Variants in CASQ2 observed in about 807,000 individuals in gnomAD.
CASQ2 encodes calsequestrin 2.
A neutral mutation model predicts 46.5 loss-of-function variants in CASQ2; 49 were observed. The ratio of observed to expected loss-of-function variants is 1.05; its 90% CI spans 0.84 to 1.34. CASQ2 has a LOEUF of 1.34. Ranked by LOEUF, CASQ2 falls within the 40% of genes most tolerant of loss-of-function variation. The pLI is 0.00. For synonymous variants in CASQ2, 174 were observed against 168.5 expected (o/e 1.03, Z -0.25); for missense variants, 486 against 481.3 (o/e 1.01, Z -0.09).
Position 115,708,772 on chromosome 1 carries a change from C to T in CASQ2, c.839-3480G>A, listed in dbSNP as rs746903909. Among the ~76,000 whole-genome samples the T allele has an allele frequency of 2.0e-4, 30 of 152,320 alleles. No individual in the cohort carries two copies. In the Middle Eastern group the frequency reaches 0.014, roughly 69 times the overall value. On this transcript the variant is annotated intron_variant, in intron 8 of 10. Coordinates refer to ENST00000261448, the MANE Select transcript of CASQ2 (RefSeq NM_001232.4). ...CCATTCCTCTGCTCATTTACCACAT[C>T]GGTATTACGTTCAGTGATCTGGGCA...
At chr1:115,761,465 A>AGGAG (rs1648946003) in intron 1 of CASQ2, among the ~76,000 whole-genome samples, 2 of 11,422 alleles carry the variant, frequency 1.8e-4, no homozygotes, top group Non-Finnish European at 3.8e-4. Context: ...AAGAAGAAGG[A>AGGAG]GAAGAAGAAG....
chr1:115,759,884 G>A (rs1027354243), intron 1 of CASQ2, among the ~76,000 whole-genome samples: 6 of 152,176 alleles, frequency 3.9e-5, no homozygotes, highest in Non-Finnish European at 8.8e-5. Flanking sequence ...TCTTTCTGAA[G>A]GTCAACTCTG....
chr1:115,708,531 G>A (rs4535998), intron 8 of CASQ2, among the ~76,000 whole-genome samples: 58,963 of 151,984 alleles, frequency 0.39, 12,661 homozygotes, highest in African/African-American at 0.56. Context: ...GTGACTTAGA[G>A]CAAGTTATTT....
At chr1:115,768,184 A>G (rs1368281569) in intron 1 of CASQ2, 124 bp downstream of exon 1, 2 of 744,464 alleles carry the variant, frequency 2.7e-6, no homozygotes, top group East Asian at 2.6e-5. Flanking sequence ...ACGTGAGGCC[A>G]AAATAAAGCA....
intron 5 of CASQ2, among the ~76,000 whole-genome samples, chr1:115,730,573 T>C (rs1465367752): frequency 6.6e-6 from 1 of 152,172 alleles, no homozygotes; most frequent in Non-Finnish European, 1.5e-5. Flanking sequence ...TTTTAGAAAA[T>C]AGAACTCATA....
chr1:115,706,175 CGTGTGTGTAT>C (rs1557785375), intron 8 of CASQ2, among the ~76,000 whole-genome samples: 1 of 151,202 alleles, frequency 6.6e-6, no homozygotes, highest in African/African-American at 2.4e-5. Flanking sequence ...TGTGTGCGTG[CGTGTGTGTAT>C]GTGTGTGTGC....
chr1:115,761,497 G>GAGAAGGAGAAGA (rs1648956788), intron 1 of CASQ2, among the ~76,000 whole-genome samples: 1 of 18,940 alleles, frequency 5.3e-5, no homozygotes, highest in Non-Finnish European at 9.5e-5. Context: ...GGAGAAGAAG[G>GAGAAGGAGAAGA]AGAAGAAGAA....
At chr1:115,766,862 AGAT>A (rs1557809043) in intron 1 of CASQ2, among the ~76,000 whole-genome samples, 1 of 142,388 alleles carries the variant, frequency 7.0e-6, no homozygotes, top group African/African-American at 2.7e-5. Context: ...GGGGAGCTAG[AGAT>A]GATAGATAGA....
chr1:115,737,426 A>G (rs1261777278), intron 4 of CASQ2, among the ~76,000 whole-genome samples: 2 of 152,200 alleles, frequency 1.3e-5, no homozygotes, highest in Non-Finnish European at 2.9e-5. Context: ...CCACATTTGT[A>G]CTTCCTACGT....
At position 115,701,394 on chromosome 1, in the gene CASQ2, A is replaced by G. The variant is rs369982880; in HGVS notation, c.1047T>C (p.Asp349=). 5 of 1,613,774 alleles carry G rather than the reference A, an allele frequency of 3.1e-6. No homozygotes were observed. The highest frequency in any genetic ancestry group is 2.7e-5 in the African/African-American group (2 of 74,890). ...GCTCCTCAGCAGTTGGAAGATCGTC[A>G]TCATCTGGAATCTCCATCCAGACAC... The part of the protein sequence containing the change: ...ADSVWMEIPD[D]DDLPTAEELE... The change falls in exon 11 of 11, where the codon GAT becomes GAC. Residue 349 remains aspartate (D), a synonymous_variant. Transcript: ENST00000261448.
chr1:115,743,733 C>T (rs1648278396), intron 2 of CASQ2, among the ~76,000 whole-genome samples: 1 of 147,280 alleles, frequency 6.8e-6, no homozygotes, highest in South Asian at 2.2e-4. Context: ...ATCCAATTAA[C>T]CTTTCTTCAA....
At chr1:115,741,683 G>T (rs574699419) in intron 2 of CASQ2, among the ~76,000 whole-genome samples, 43 of 152,298 alleles carry the variant, frequency 2.8e-4, no homozygotes, top group Admixed American at 4.6e-4. Context: ...GGTAGATGCT[G>T]CAAGGACAGG....
intron 4 of CASQ2, among the ~76,000 whole-genome samples, chr1:115,736,013 A>G (rs1647942758): frequency 6.6e-6 from 1 of 151,788 alleles, no homozygotes; most frequent in Non-Finnish European, 1.5e-5. Flanking sequence ...AATACAAAAA[A>G]TTAGCCAGGC....
chr1:115,729,411 G>A (rs1331477509), intron 5 of CASQ2, among the ~76,000 whole-genome samples: 1 of 152,084 alleles, frequency 6.6e-6, no homozygotes, highest in Non-Finnish European at 1.5e-5. Flanking sequence ...GATTTGATTG[G>A]TTGAAGCTTT....
chr1:115,730,430 G>T (rs1392154341), intron 5 of CASQ2, among the ~76,000 whole-genome samples: 1 of 152,174 alleles, frequency 6.6e-6, no homozygotes, highest in Non-Finnish European at 1.5e-5. Context: ...AATCTGCTTT[G>T]CTCAATGTTG....
intron 4 of CASQ2, among the ~76,000 whole-genome samples, chr1:115,735,886 A>G (rs1185241181): frequency 6.6e-6 from 1 of 152,168 alleles, no homozygotes; most frequent in African/African-American, 2.4e-5. Context: ...AGCAGGCCGG[A>G]CGTAGTGGCT....
intron 3 of CASQ2, among the ~76,000 whole-genome samples, chr1:115,739,718 T>A (rs1156576893): frequency 2.0e-5 from 3 of 152,250 alleles, no homozygotes; most frequent in Admixed American, 6.5e-5. Context: ...CACAGTTATC[T>A]GTGATTTACA....
intron 1 of CASQ2, 50 bp from the exon 2 acceptor site, chr1:115,744,962 G>T: frequency 7.8e-7 from 1 of 1,283,988 alleles, no homozygotes. Context: ...AAAGATGGTA[G>T]AAAATATTAC....
Position 115,768,290 on chromosome 1 carries a change from T to G in CASQ2, c.234+18A>C. The G allele has an allele frequency of 2.0e-6, 3 of 1,528,164 alleles. No homozygotes were observed. The highest frequency in any genetic ancestry group is 2.7e-6 in the Non-Finnish European group (3 of 1,101,916). 94.7% of individuals were successfully genotyped at this position (1,528,164 alleles called of 1,614,324 possible). A position where few individuals can be genotyped will look rare whatever the true frequency, so the allele number is the denominator to read the frequency against. On this transcript the variant is annotated intron_variant, in intron 1 of 10. Transcript: ENST00000261448. ...CCTCACTGAGGCAGCGCAGACAGCA[T>G]GCCCTTTGGTTACTTACCTCAAGCA...
Sources: gnomAD v4.1 joint callset for allele counts (sites outside exome capture counted in the v4.1 genomes callset) on GRCh38, gnomAD v4.1.1 for gene constraint, MANE v1.5 for transcripts, NCBI Gene and HGNC (gene_info 2026-07-23, HGNC 2026-07-21) for gene names.